Variants in SMARCA4 observed in about 807,000 individuals in gnomAD.
SMARCA4 encodes SWI/SNF related BAF chromatin remodeling complex subunit ATPase 4.
A neutral mutation model predicts 193.9 loss-of-function variants in SMARCA4; 31 were observed. The observed-to-expected ratio is 0.16, with a 90% CI of 0.12 to 0.22. The LOEUF is 0.22. SMARCA4 is among the 10% of genes least tolerant of loss of function. The pLI is 1.00. For missense variants in SMARCA4, 1,148 were observed against 2,296.0 expected (o/e 0.50, Z 10.22); for synonymous variants, 942 against 933.1 (o/e 1.01, Z -0.17).
At chr19:10,964,619 CTT>C (rs1439109300) in intron 1 of SMARCA4, among the ~76,000 whole-genome samples, 2 of 137,584 alleles carry the variant, frequency 1.5e-5, no homozygotes, top group East Asian at 2.2e-4. Flanking sequence ...CGCCCGGCCT[CTT>C]TTTTTTTTTT....
rs2147085612 is a variant in SMARCA4, at chr19:11,058,285, C to T, written c.4455C>T (p.Phe1485=). The T allele has an allele frequency of 4.3e-6, 7 of 1,613,368 alleles. No individual in the cohort carries two copies. Among genetic ancestry groups the T allele is most frequent in the Non-Finnish European group, 5.9e-6 (7 of 1,179,904 alleles). ...SSSGRQLSEV[F]IQLPSRKELP... ...GTGGACGTCAGCTCAGCGAGGTCTT[C>T]ATCCAGCTGCCCTCGCGAAAGGAGC... Residue 1485 remains phenylalanine (F), a synonymous_variant, in exon 31 of 35, where the codon TTC becomes TTT. Transcript: ENST00000344626. The surrounding 1 kb of genome is among the most constrained non-coding windows in gnomAD (Gnocchi z 5.8).
chr19:10,973,203 A>T (rs569733094), intron 1 of SMARCA4, among the ~76,000 whole-genome samples: 2 of 152,060 alleles, frequency 1.3e-5, no homozygotes, highest in African/African-American at 4.8e-5. Flanking sequence ...TCTGCGTGTT[A>T]TGTTTCTGCT....
In SMARCA4 at chr19:11,033,148, A is replaced by C. The variant is rs1159455734; in HGVS notation, c.3547-142A>C. 2 of 715,290 alleles carry C rather than the reference A, an allele frequency of 2.8e-6. No homozygotes were observed. The highest frequency in any genetic ancestry group is 5.1e-6 in the Non-Finnish European group (2 of 395,798). 44.3% of individuals were successfully genotyped at this position (715,290 alleles called of 1,614,324 possible). On this transcript the variant is annotated intron_variant, in intron 25 of 34. Coordinates refer to ENST00000344626, the MANE Select transcript of SMARCA4 (RefSeq NM_003072.5). The surrounding 1 kb of genome is among the most constrained non-coding windows in gnomAD (Gnocchi z 9.8). ...CCCAGGCTCCACCAGCTCTGTTTTC[A>C]TGCGGCGGCAGGTCAGGCTGGGCAG...
intron 24 of SMARCA4, among the ~76,000 whole-genome samples, chr19:11,028,217 C>G (rs1298158423): frequency 6.6e-6 from 1 of 152,180 alleles, no homozygotes; most frequent in Non-Finnish European, 1.5e-5. Flanking sequence ...GCCCTGTGCA[C>G]TTTTAGCTGG....
intron 16 of SMARCA4, 108 bp from the exon 17 acceptor site, chr19:11,018,849 G>A: frequency 3.4e-6 from 3 of 879,258 alleles, no homozygotes; most frequent in Non-Finnish European, 2.0e-6. Flanking sequence ...CCCACTCGGA[G>A]GGCTGTGGCC....
chr19:11,014,540 C>T (rs73013163), intron 16 of SMARCA4, among the ~76,000 whole-genome samples: 3 of 152,164 alleles, frequency 2.0e-5, no homozygotes, highest in South Asian at 2.1e-4. Flanking sequence ...TGAGCTCTGT[C>T]CCCTGTCTGT....
chr19:10,996,152 T>C (rs1199254144), intron 9 of SMARCA4, 61 bp from the exon 10 acceptor site: 4 of 1,574,894 alleles, frequency 2.5e-6, no homozygotes, highest in Non-Finnish European at 3.5e-6. Context: ...TGACTGGCCA[T>C]GGGTGCTCAC....
chr19:11,059,436 A>T (rs1030044508), intron 32 of SMARCA4, among the ~76,000 whole-genome samples: 6 of 152,364 alleles, frequency 3.9e-5, no homozygotes, highest in Admixed American at 3.9e-4. Context: ...AACAAGGGGC[A>T]TGTATTTCCA....
At position 10,987,529 on chromosome 19, in the gene SMARCA4, C is replaced by T. The variant is rs2086161166; in HGVS notation, c.860-137C>T. On this transcript the variant is annotated intron_variant, in intron 5 of 34. Coordinates refer to ENST00000344626, the MANE Select transcript of SMARCA4 (RefSeq NM_003072.5). This position sits in a 1 kb window ranked among gnomAD's most constrained non-coding sequence, Gnocchi z 5.3. ...TGGAGCCCAAGGCAGGTGTGAAGGA[C>T]ACCCCTGGGTGAAAGGTGGGAGATG... The T allele has an allele frequency of 4.2e-6, 4 of 957,010 alleles. No individual in the cohort carries two copies. Among genetic ancestry groups the T allele is most frequent in the African/African-American group, 1.6e-5 (1 of 62,284 alleles). The allele number at this position is 957,010 out of a possible 1,614,324, so 59.3% of individuals were successfully genotyped here.
chr19:10,992,751 G>C (rs1230527641), intron 8 of SMARCA4, among the ~76,000 whole-genome samples: 1 of 151,856 alleles, frequency 6.6e-6, no homozygotes, highest in East Asian at 1.9e-4. Context: ...ACCATGCCTG[G>C]CTAATTTTTT....
chr19:11,048,320 C>T (rs1237318500), intron 30 of SMARCA4, among the ~76,000 whole-genome samples: 1 of 152,184 alleles, frequency 6.6e-6, no homozygotes, highest in Non-Finnish European at 1.5e-5. Context: ...CAACCTCCAC[C>T]TTCCAGGTTG....
chr19:10,989,266 G>A (rs2145844157), intron 6 of SMARCA4, 51 bp from the exon 7 acceptor site: 1 of 1,611,572 alleles, frequency 6.2e-7, no homozygotes, highest in Non-Finnish European at 8.5e-7. Flanking sequence ...AGCTGTAACT[G>A]GGTGCCCTGG....
intron 6 of SMARCA4, among the ~76,000 whole-genome samples, chr19:10,988,673 G>A (rs1026407067): frequency 3.3e-5 from 5 of 152,044 alleles, no homozygotes; most frequent in African/African-American, 1.2e-4. Flanking sequence ...GGCCCTTCCT[G>A]TCACTTCCAG....
intron 21 of SMARCA4, 67 bp from the exon 22 acceptor site, chr19:11,025,354 CA>C (rs982582849): frequency 4.0e-6 from 4 of 1,009,192 alleles, no homozygotes; most frequent in African/African-American, 3.2e-5. Context: ...AACACCCACC[CA>C]TCCACCAAGC....
At chr19:11,008,460 C>G in intron 14 of SMARCA4, 1 of 318,130 alleles carries the variant, frequency 3.1e-6, no homozygotes, top group South Asian at 2.7e-5. Flanking sequence ...TTCACTGAAC[C>G]TTCCCTCTTG....
chr19:10,976,510 C>T (rs188041195), intron 1 of SMARCA4, among the ~76,000 whole-genome samples: 12 of 152,224 alleles, frequency 7.9e-5, no homozygotes, highest in Non-Finnish European at 1.6e-4. Context: ...AGTCCTAGCA[C>T]TTTCGGAGGT....
intron 1 of SMARCA4, among the ~76,000 whole-genome samples, chr19:10,970,600 G>A (rs2145510208): frequency 6.6e-6 from 1 of 152,276 alleles, no homozygotes; most frequent in South Asian, 2.1e-4. Flanking sequence ...TGTAGAGACA[G>A]GGTGCTATAC....
rs201287150 is a variant in SMARCA4, at chr19:11,030,701, C to A, written c.3383-29C>A. On this transcript the variant is annotated intron_variant, in intron 24 of 34. Coordinates refer to ENST00000344626, the MANE Select transcript of SMARCA4 (RefSeq NM_003072.5). This position sits in a 1 kb window ranked among gnomAD's most constrained non-coding sequence, Gnocchi z 5.5. ...CCACTCTACCCCTGAGGTCACCCCG[C>A]TGACCCTGTTCTCCTCTGTGCCCGT... 21 of 1,603,436 alleles carry A rather than the reference C, an allele frequency of 1.3e-5. No homozygotes were observed. The African/African-American group carries it at 2.5e-4, about 19-fold the overall frequency.
At chr19:10,997,862 G>A (rs2087231210) in intron 11 of SMARCA4, among the ~76,000 whole-genome samples, 2 of 152,170 alleles carry the variant, frequency 1.3e-5, no homozygotes, top group South Asian at 4.1e-4. Flanking sequence ...ATAAAGACAA[G>A]GTTGTTTCTG....
Sources: gnomAD v4.1 joint callset for allele counts (sites outside exome capture counted in the v4.1 genomes callset) on GRCh38, gnomAD v4.1.1 for gene constraint, Gnocchi (gnomAD v3.1) non-coding constraint, MANE v1.5 for transcripts, NCBI Gene and HGNC (gene_info 2026-07-23, HGNC 2026-07-21) for gene names.